The following TENM2 variants were observed in gnomAD, a reference collection of about 807,000 sequenced individuals.
TENM2 encodes the protein teneurin-2.
A neutral mutation model predicts 245.2 loss-of-function variants in TENM2; 52 were observed. That is an observed-to-expected ratio of 0.21 (90% CI 0.17 to 0.27). The LOEUF is 0.27. TENM2 is among the 10% of genes least tolerant of loss of function. TENM2 has a pLI of 1.00. For missense variants in TENM2, 3,046 were observed against 3,666.8 expected (o/e 0.83, Z 4.37); for synonymous variants, 1,363 against 1,438.9 (o/e 0.95, Z 1.19).
chr5:168,174,624 C>T (rs1463023927), intron 13 of TENM2, among the ~76,000 whole-genome samples: 1 of 152,214 alleles, frequency 6.6e-6, no homozygotes, highest in African/African-American at 2.4e-5. Flanking sequence ...GAACCACTGA[C>T]TTAGCGTAAT....
rs1010099953 is a variant in TENM2, at chr5:168,190,203, T to A, written c.2570-134T>A. ...TTGGAATTGGATGAGGCTTGCTGTG[T>A]GAAACCTGCCACCTCAGGCCCTTGG... is the stretch of plus-strand genomic sequence containing the variant. On this transcript the variant is annotated intron_variant, in intron 13 of 28. Coordinates refer to ENST00000518659, the Ensembl canonical transcript of TENM2. 2.4e-5 allele frequency: 15 copies of A among 620,084 alleles called. No individual in the cohort carries two copies. In the African/African-American group the frequency reaches 2.6e-4, roughly 11 times the overall value. 38.4% of individuals were successfully genotyped at this position (620,084 alleles called of 1,614,324 possible).
chr5:167,019,135 A>C, the TENM2 span, among the ~76,000 whole-genome samples: 1 of 127,416 alleles, frequency 7.8e-6, no homozygotes, highest in African/African-American at 2.6e-5. Flanking sequence ...AGAGATTTAG[A>C]TAAGGAATTT....
chr5:167,857,097 T>C (rs538756126), intron 2 of TENM2, among the ~76,000 whole-genome samples: 1 of 152,034 alleles, frequency 6.6e-6, no homozygotes, highest in South Asian at 2.1e-4. Context: ...TACATATGTG[T>C]TCATTGAATG....
intron 3 of TENM2, among the ~76,000 whole-genome samples, chr5:167,883,600 AGGGTCG>A (rs1774051560): frequency 6.6e-6 from 1 of 152,200 alleles, no homozygotes; most frequent in Admixed American, 6.5e-5. Flanking sequence ...CAAAATTCTC[AGGGTCG>A]ATAGGCATTG....
intron 1 of TENM2, among the ~76,000 whole-genome samples, chr5:167,329,931 C>T (rs1757340014): frequency 6.6e-6 from 1 of 152,110 alleles, no homozygotes. Flanking sequence ...TTGAAATCTA[C>T]CCTGAGTACT....
chr5:167,691,755 G>C (rs1757441714), intron 2 of TENM2, among the ~76,000 whole-genome samples: 1 of 152,074 alleles, frequency 6.6e-6, no homozygotes. Context: ...AGGAGAACTG[G>C]GAGTTCTCCA....
chr5:167,805,233 T>C (rs1319401791), intron 2 of TENM2, among the ~76,000 whole-genome samples: 1 of 150,892 alleles, frequency 6.6e-6, no homozygotes, highest in Non-Finnish European at 1.5e-5. Context: ...TTCCATTCAA[T>C]TGTTTCATGT....
chr5:167,486,465 A>T (rs952409004), intron 2 of TENM2, among the ~76,000 whole-genome samples: 3 of 151,610 alleles, frequency 2.0e-5, no homozygotes, highest in Non-Finnish European at 4.4e-5. Flanking sequence ...AGTAGCTGGG[A>T]CTACAGGCAC....
rs146031121 is a variant in TENM2, at chr5:167,591,158, C to A, written c.502+215685C>A. Among the ~76,000 whole-genome samples the A allele has an allele frequency of 1.3e-3, 201 of 152,228 alleles. 1 individual carries two copies. The highest frequency in any genetic ancestry group is 4.7e-3 in the African/African-American group (196 of 41,554). ...AACACCAGCCTAGTGCAAAGCTCTG[C>A]AAAGAAAGGGTTCCTTGGTGGAGTG... On this transcript the variant is annotated intron_variant, in intron 2 of 28. Transcript: ENST00000518659.
intron 2 of TENM2, among the ~76,000 whole-genome samples, chr5:167,390,355 A>G (rs1294066153): frequency 6.6e-6 from 1 of 152,196 alleles, no homozygotes; most frequent in African/African-American, 2.4e-5. Flanking sequence ...CAAACCAAGG[A>G]TAGAATTGCA....
At chr5:167,286,376 A>G (rs148543860) in intron 1 of TENM2, among the ~76,000 whole-genome samples, 53 of 152,288 alleles carry the variant, frequency 3.5e-4, no homozygotes, top group African/African-American at 1.3e-3. Context: ...ATTGCTCTGG[A>G]TCAAATGCCT....
At chr5:167,245,247 G>C in the TENM2 span, among the ~76,000 whole-genome samples, 1 of 152,120 alleles carries the variant, frequency 6.6e-6, no homozygotes, top group Admixed American at 6.6e-5. Context: ...TCACACTTGG[G>C]CAAACGGCAA....
intron 2 of TENM2, among the ~76,000 whole-genome samples, chr5:167,738,978 T>A (rs1282726658): frequency 1.3e-5 from 2 of 152,194 alleles, no homozygotes; most frequent in Non-Finnish European, 2.9e-5. Flanking sequence ...CACCATTCTG[T>A]AACAGGGATG....
chr5:167,192,182 T>C, the TENM2 span, among the ~76,000 whole-genome samples: 1 of 152,088 alleles, frequency 6.6e-6, no homozygotes, highest in African/African-American at 2.4e-5. Context: ...GCTTTTCTGC[T>C]GAGTCTGGGT....
intron 2 of TENM2, among the ~76,000 whole-genome samples, chr5:167,809,748 C>A (rs989169791): frequency 6.6e-6 from 1 of 152,034 alleles, no homozygotes; most frequent in African/African-American, 2.4e-5. Context: ...ATTTTGGGGA[C>A]AGGTGTACCA....
chr5:167,087,304 C>T, the TENM2 span, among the ~76,000 whole-genome samples: 18 of 152,280 alleles, frequency 1.2e-4, no homozygotes, highest in Middle Eastern at 3.4e-3. Flanking sequence ...TAGTGCTCAA[C>T]GCACGTCACC....
At chr5:168,006,672 T>A (rs186132025) in intron 5 of TENM2, among the ~76,000 whole-genome samples, 2 of 152,316 alleles carry the variant, frequency 1.3e-5, no homozygotes, top group Non-Finnish European at 2.9e-5. Context: ...CATGAGGGAT[T>A]ATGTTCAGCC....
intron 13 of TENM2, among the ~76,000 whole-genome samples, chr5:168,169,205 G>A (rs1473787541): frequency 2.6e-5 from 4 of 152,152 alleles, no homozygotes; most frequent in Admixed American, 2.0e-4. Flanking sequence ...TCGTCTCCAT[G>A]GAGTGTCCTC....
intron 2 of TENM2, among the ~76,000 whole-genome samples, chr5:167,505,401 G>A (rs958537354): frequency 2.6e-5 from 4 of 152,118 alleles, no homozygotes; most frequent in Admixed American, 6.6e-5. Flanking sequence ...GAAGGTATTA[G>A]CTGCCACTTA....
Sources: gnomAD v4.1 joint callset for allele counts (sites outside exome capture counted in the v4.1 genomes callset) on GRCh38, gnomAD v4.1.1 for gene constraint, MANE v1.5 for transcripts, NCBI Gene and HGNC (gene_info 2026-07-23, HGNC 2026-07-21) for gene names.